The following RAB35 variants were observed in gnomAD, a reference collection of about 807,000 sequenced individuals.
The protein encoded by RAB35 is ras-related protein Rab-35.
Under a neutral mutation model 28.9 loss-of-function variants are expected in RAB35, and 4 were observed. That is an observed-to-expected ratio of 0.14 (90% CI 0.07 to 0.32). The LOEUF is 0.32. Ranked by LOEUF, RAB35 falls within the 10% of genes least tolerant of loss-of-function variation. The pLI is 1.00. For synonymous variants in RAB35, 99 were observed against 105.1 expected (o/e 0.94, Z 0.35); for missense variants, 128 against 274.0 (o/e 0.47, Z 3.76).
chr12:120,100,073 G>A (rs983533188), intron 3 of RAB35, among the ~76,000 whole-genome samples: 4 of 152,214 alleles, frequency 2.6e-5, no homozygotes, highest in Non-Finnish European at 5.9e-5. Context: ...GCTTCCTCCC[G>A]GCTTTCTGGC....
rs1348795537 is a variant in RAB35 at position 120,098,826 on chromosome 12, A to G, written c.462T>C (p.Asn154=). 18 of 1,614,086 alleles carry G rather than the reference A, an allele frequency of 1.1e-5. No individual in the cohort carries two copies. Among genetic ancestry groups the G allele is most frequent in the Non-Finnish European group, 1.4e-5 (17 of 1,180,040 alleles). The change falls in exon 5 of 6, where the codon AAT becomes AAC. Residue 154 remains asparagine, a synonymous_variant. Transcript: ENST00000229340. ...AGGGCCTCACCTCTTCCACGTTGAC[A>G]TTCTCCTTGGCGCTGGTCTCGAACA... ...IQLFETSAKE[N]VNVEEMFNCI...
At chr12:120,100,205 C>T (rs1474541870) in intron 3 of RAB35, among the ~76,000 whole-genome samples, 1 of 152,232 alleles carries the variant, frequency 6.6e-6, no homozygotes, top group Non-Finnish European at 1.5e-5. Context: ...GCCAGGCTGA[C>T]TTGTGGCTGC....
At chr12:120,113,038 G>A (rs150985458) in intron 1 of RAB35, among the ~76,000 whole-genome samples, 35 of 151,590 alleles carry the variant, frequency 2.3e-4, no homozygotes, top group African/African-American at 5.8e-4. Context: ...TTACAGGTGC[G>A]TACCACCACA....
intron 5 of RAB35, among the ~76,000 whole-genome samples, chr12:120,098,368 C>A (rs556980937): frequency 1.3e-5 from 2 of 152,374 alleles, no homozygotes; most frequent in East Asian, 1.9e-4. Flanking sequence ...AGGACACCAG[C>A]CTGACTTACA....
Position 120,096,560 on chromosome 12 carries a change from G to A in RAB35, c.*685C>T. 7 of 1,289,746 alleles carry A rather than the reference G, an allele frequency of 5.4e-6. No homozygotes were observed. Among genetic ancestry groups the A allele is most frequent in the South Asian group, 2.5e-5 (2 of 81,032 alleles). The allele number at this position is 1,289,746 out of a possible 1,614,324, so 79.9% of individuals were successfully genotyped here. ...GAGCTCAGAGGCATCTAGAAGGCAG[G>A]ACAAGAAATCTGTTGGCCAAAGGGC... On this transcript the variant is annotated 3_prime_UTR_variant, in exon 6 of 6. Coordinates refer to ENST00000229340, the MANE Select transcript of RAB35 (RefSeq NM_006861.7).
intron 2 of RAB35, among the ~76,000 whole-genome samples, chr12:120,107,526 T>C (rs571188920): frequency 6.6e-6 from 1 of 152,104 alleles, no homozygotes; most frequent in Non-Finnish European, 1.5e-5. Context: ...TCTCAGTGCA[T>C]ACACCCTGTA....
intron 1 of RAB35, among the ~76,000 whole-genome samples, chr12:120,110,336 C>G (rs1170014888): frequency 1.8e-5 from 2 of 114,076 alleles, no homozygotes; most frequent in African/African-American, 7.2e-5. Flanking sequence ...GTCTCTCAGG[C>G]TGGAGGGCAG....
intron 2 of RAB35, among the ~76,000 whole-genome samples, chr12:120,106,867 G>A (rs146130692): frequency 8.7e-4 from 132 of 151,928 alleles, no homozygotes; most frequent in East Asian, 2.9e-3. Flanking sequence ...GATTACAGGC[G>A]TGAGCCACCG....
intron 5 of RAB35, among the ~76,000 whole-genome samples, chr12:120,098,175 CGCCCG>C (rs1875510073): frequency 6.6e-6 from 1 of 152,250 alleles, no homozygotes; most frequent in Non-Finnish European, 1.5e-5. Context: ...TGAGCCGGCG[CGCCCG>C]GCCCAGCTGG....
intron 5 of RAB35, 100 bp downstream of exon 5, chr12:120,098,711 T>C: frequency 2.0e-6 from 3 of 1,524,322 alleles, no homozygotes; most frequent in Non-Finnish European, 2.7e-6. Context: ...GCAGTTACTA[T>C]GACATTTTCT....
At chr12:120,110,290 A>AGTTTTTTTTTTTTTTTTTTTTTTT in intron 1 of RAB35, among the ~76,000 whole-genome samples, 1 of 88,596 alleles carries the variant, frequency 1.1e-5, no homozygotes, top group Non-Finnish European at 2.0e-5. Flanking sequence ...AGCCCACAGC[A>AGTTTTTTTTTTTTTTTTTTTTTTT]TTTTTTTTTT....
chr12:120,114,188 G>C (rs917031129), intron 1 of RAB35, among the ~76,000 whole-genome samples: 2 of 152,198 alleles, frequency 1.3e-5, no homozygotes, highest in Non-Finnish European at 2.9e-5. Context: ...CCGCCTACCA[G>C]GTTCAAGCGA....
chr12:120,102,584 G>A (rs1226138394), intron 3 of RAB35, among the ~76,000 whole-genome samples: 1 of 152,156 alleles, frequency 6.6e-6, no homozygotes, highest in Non-Finnish European at 1.5e-5. Context: ...CAAGCCCTCC[G>A]CCTTGGCTCC....
chr12:120,115,671 C>A (rs970833195), intron 1 of RAB35, among the ~76,000 whole-genome samples: 4 of 152,210 alleles, frequency 2.6e-5, no homozygotes. Context: ...ATGTCTTAAG[C>A]ATGTACTGGG....
At chr12:120,113,817 C>CAA (rs60143564) in intron 1 of RAB35, among the ~76,000 whole-genome samples, 19 of 112,832 alleles carry the variant, frequency 1.7e-4, no homozygotes, top group South Asian at 1.1e-3. Flanking sequence ...GACTCCGTCT[C>CAA]AAAAAAAAAA....
chr12:120,113,584 C>T (rs1031923934), intron 1 of RAB35, among the ~76,000 whole-genome samples: 3 of 152,014 alleles, frequency 2.0e-5, no homozygotes, highest in Admixed American at 6.6e-5. Flanking sequence ...TTTGGGAGGC[C>T]GAGGCGGGCG....
chr12:120,108,143 C>T (rs1052908165), intron 2 of RAB35, among the ~76,000 whole-genome samples: 18 of 152,090 alleles, frequency 1.2e-4, no homozygotes, highest in African/African-American at 3.6e-4. Context: ...GCACCATAGA[C>T]GCTGTTATGG....
Position 120,095,536 on chromosome 12 carries a change from C to G in RAB35, c.*1709G>C, listed in dbSNP as rs967095228. ...CCTCAGGGCCCGTGGCCAACCAGGA[C>G]AGTCCCAAGGACGGAGACCCCGCTT... On this transcript the variant is annotated 3_prime_UTR_variant, in exon 6 of 6. Transcript: ENST00000229340. The G allele has an allele frequency of 5.9e-5, 9 of 152,722 alleles. No homozygotes were observed. The highest frequency in any genetic ancestry group is 2.2e-4 in the African/African-American group (9 of 41,400). 9.5% of individuals were successfully genotyped at this position (152,722 alleles called of 1,614,324 possible). A position where few individuals can be genotyped will look rare whatever the true frequency, so the allele number is the denominator to read the frequency against.
intron 1 of RAB35, among the ~76,000 whole-genome samples, chr12:120,109,411 C>CCA (rs1876022735): frequency 6.6e-6 from 1 of 152,062 alleles, no homozygotes; most frequent in South Asian, 2.1e-4. Context: ...TGAGATCATG[C>CCA]CACTGCACTC....
Sources: gnomAD v4.1 joint callset for allele counts (sites outside exome capture counted in the v4.1 genomes callset) on GRCh38, gnomAD v4.1.1 for gene constraint, MANE v1.5 for transcripts, NCBI Gene and HGNC (gene_info 2026-07-23, HGNC 2026-07-21) for gene names.